The following NELL2 variants were observed in gnomAD, a reference collection of about 807,000 sequenced individuals.
The protein encoded by NELL2 is neural EGFL like 2.
In NELL2, 41 loss-of-function variants were observed where a neutral mutation model predicts 109.6. The observed-to-expected ratio is 0.37, with a 90% CI of 0.29 to 0.49. The LOEUF (loss-of-function observed/expected upper bound fraction) is 0.49, where lower values mean the gene tolerates loss of function less well. NELL2 is among the 20% of genes least tolerant of loss of function. The pLI is 0.98. For missense variants in NELL2, 900 were observed against 1,008.3 expected, an observed-to-expected ratio of 0.89 and a Z score of 1.45; for synonymous variants, 355 against 344.7, an observed-to-expected ratio of 1.03 and a Z score of -0.33.
At chr12:44,865,339 T>C (rs1374358274) in intron 2 of NELL2, among the ~76,000 whole-genome samples, 1 of 147,914 alleles carries the variant, frequency 6.8e-6, no homozygotes, top group Non-Finnish European at 1.5e-5. Context: ...ACTCTGATCA[T>C]GCTGCTCTAA....
intron 9 of NELL2, among the ~76,000 whole-genome samples, chr12:44,734,211 A>T (rs933152678): frequency 6.6e-6 from 1 of 151,942 alleles, no homozygotes; most frequent in African/African-American, 2.4e-5. Context: ...CCTCCTAGTA[A>T]TTTTAAATTT....
intron 15 of NELL2, among the ~76,000 whole-genome samples, chr12:44,598,424 T>A (rs762906397): frequency 5.3e-5 from 8 of 152,052 alleles, no homozygotes; most frequent in Admixed American, 2.6e-4. Context: ...CCTCATAAAC[T>A]TCATATCATT....
intron 13 of NELL2, among the ~76,000 whole-genome samples, chr12:44,619,279 G>C (rs143304960): frequency 2.6e-5 from 4 of 152,270 alleles, no homozygotes; most frequent in African/African-American, 7.2e-5. Flanking sequence ...GACTAAAAGA[G>C]AACAGTAAGA....
Position 44,791,204 on chromosome 12 carries a change from AT to A in NELL2, c.336-11183del, listed in dbSNP as rs1382782352. On this transcript the variant is annotated intron_variant, in intron 3 of 19. Coordinates refer to ENST00000429094, the MANE Select transcript of NELL2 (RefSeq NM_001145108.2). ...CCATCATATATATATATATATATAT[AT>A]ATATATATATATATATATATATGAT... Among the ~76,000 whole-genome samples the A allele has an allele frequency of 4.2e-4, 31 of 73,652 alleles. 1 individual carries two copies. Among genetic ancestry groups the A allele is most frequent in the Non-Finnish European group, 6.7e-4 (25 of 37,214 alleles). The allele number at this position is 73,652 out of a possible 152,430, so 48.3% of individuals were successfully genotyped here. A position where few individuals can be genotyped will look rare whatever the true frequency, so the allele number is the denominator to read the frequency against.
chr12:44,541,975 C>T (rs909124464), intron 15 of NELL2, among the ~76,000 whole-genome samples: 4 of 152,114 alleles, frequency 2.6e-5, no homozygotes, highest in African/African-American at 9.7e-5. Context: ...TAACCCTTGC[C>T]CATACACAAT....
At chr12:44,663,359 T>C (rs1056585536) in intron 13 of NELL2, among the ~76,000 whole-genome samples, 5 of 152,204 alleles carry the variant, frequency 3.3e-5, no homozygotes, top group African/African-American at 4.8e-5. Flanking sequence ...CTAGTCATAA[T>C]AGAGAGAAAA....
intron 1 of NELL2, among the ~76,000 whole-genome samples, chr12:44,909,898 A>G (rs952773342): frequency 2.0e-5 from 3 of 152,048 alleles, no homozygotes; most frequent in African/African-American, 7.2e-5. Context: ...CCTATTCAAT[A>G]AATGGTGCTG....
intron 2 of NELL2, among the ~76,000 whole-genome samples, chr12:44,835,054 G>A (rs1416894704): frequency 2.6e-5 from 4 of 152,048 alleles, no homozygotes; most frequent in Non-Finnish European, 4.4e-5. Flanking sequence ...ACAGTTTATC[G>A]GGGACACACT....
chr12:44,829,235 T>A (rs1303373263), intron 2 of NELL2, among the ~76,000 whole-genome samples: 1 of 152,112 alleles, frequency 6.6e-6, no homozygotes, highest in Non-Finnish European at 1.5e-5. Flanking sequence ...TTGATGAAGA[T>A]GAAGATGATG....
At chr12:44,817,560 G>T (rs1943393440) in intron 2 of NELL2, among the ~76,000 whole-genome samples, 1 of 152,138 alleles carries the variant, frequency 6.6e-6, no homozygotes, top group African/African-American at 2.4e-5. Context: ...ATTTGATCAG[G>T]AGTTTACCAG....
intron 2 of NELL2, among the ~76,000 whole-genome samples, chr12:44,837,292 G>T (rs1167218864): frequency 2.0e-5 from 3 of 152,106 alleles, no homozygotes; most frequent in Non-Finnish European, 2.9e-5. Context: ...TCTTTGTTGT[G>T]GGGAGCTTCT....
At chr12:44,921,076 G>A (rs1345919181) in intron 1 of NELL2, among the ~76,000 whole-genome samples, 1 of 152,164 alleles carries the variant, frequency 6.6e-6, no homozygotes, top group East Asian at 1.9e-4. Flanking sequence ...GGGCTGAGGA[G>A]GGAAGAAAGG....
chr12:44,915,983 A>G (rs1435953282), upstream of NELL2, among the ~76,000 whole-genome samples: 1 of 152,206 alleles, frequency 6.6e-6, no homozygotes, highest in Non-Finnish European at 1.5e-5. Flanking sequence ...AAGCTTTTCA[A>G]ATACCTTTAA....
chr12:44,777,404 G>C, intron 5 of NELL2, 90 bp from the exon 6 acceptor site: 2 of 986,706 alleles, frequency 2.0e-6, no homozygotes, highest in South Asian at 2.7e-5. Context: ...AAATATTACA[G>C]AACACACTCA....
chr12:44,896,115 G>T (rs979973212), intron 1 of NELL2, among the ~76,000 whole-genome samples: 1 of 152,120 alleles, frequency 6.6e-6, no homozygotes, highest in Admixed American at 6.6e-5. Context: ...CGGAAGAGGG[G>T]CTATCAGAGA....
chr12:44,531,109 G>T (rs1202448648), intron 16 of NELL2, among the ~76,000 whole-genome samples: 4 of 152,140 alleles, frequency 2.6e-5, no homozygotes, highest in African/African-American at 4.8e-5. Flanking sequence ...ACAGAAAAAA[G>T]TGTGCAAGGA....
intron 2 of NELL2, among the ~76,000 whole-genome samples, chr12:44,868,252 T>A (rs1945065641): frequency 6.6e-6 from 1 of 152,038 alleles, no homozygotes; most frequent in South Asian, 2.1e-4. Context: ...AGCTGTATAC[T>A]GAAACTATAA....
At chr12:44,604,494 T>G (rs761191430) in intron 15 of NELL2, among the ~76,000 whole-genome samples, 1 of 152,200 alleles carries the variant, frequency 6.6e-6, no homozygotes, top group Non-Finnish European at 1.5e-5. Context: ...CACCATCTTT[T>G]TCTTCATCAT....
At chr12:44,859,973 T>G (rs747131105) in intron 2 of NELL2, among the ~76,000 whole-genome samples, 2 of 152,200 alleles carry the variant, frequency 1.3e-5, no homozygotes, top group Non-Finnish European at 2.9e-5. Context: ...CTAAGTGTTG[T>G]CCCTTCTATC....
Sources: gnomAD v4.1 joint callset for allele counts (sites outside exome capture counted in the v4.1 genomes callset) on GRCh38, gnomAD v4.1.1 for gene constraint, MANE v1.5 for transcripts, NCBI Gene and HGNC (gene_info 2026-07-23, HGNC 2026-07-21) for gene names.